The following CARS2 variants were observed in gnomAD, a reference collection of about 807,000 sequenced individuals.
CARS2 encodes cysteinyl-tRNA synthetase 2, mitochondrial, also known as probable cysteine--tRNA ligase, mitochondrial.
Under a neutral mutation model 68.8 loss-of-function variants are expected in CARS2, and 52 were observed. The ratio of observed to expected loss-of-function variants is 0.76; its 90% confidence interval spans 0.61 to 0.95. The LOEUF is 0.95. Ranked by LOEUF, CARS2 falls within the 40% of genes least tolerant of loss-of-function variation. The pLI is 0.00. For synonymous variants in CARS2, 314 were observed against 303.6 expected, an observed-to-expected ratio of 1.03 and a Z score of -0.36; for missense variants, 780 against 754.2, an observed-to-expected ratio of 1.03 and a Z score of -0.40.
At chr13:110,706,820 AGCACACAC>A (rs1208866026), upstream of CARS2, among the ~76,000 whole-genome samples, 2 of 144,732 alleles carry the variant, frequency 1.4e-5, no homozygotes, top group Non-Finnish European at 3.0e-5. Context: ...TGTGCACCCC[AGCACACAC>A]ATCTGCACCC....
rs760043245 is a variant in CARS2, at chr13:110,683,081, C to A, written c.625G>T (p.Gly209Cys). 1 of 1,602,192 alleles carries A rather than the reference C, an allele frequency of 6.2e-7. No individual in the cohort carries two copies. Among genetic ancestry groups the A allele is most frequent in the Admixed American group, 1.7e-5 (1 of 58,150 alleles). The change falls in exon 6 of 15, where the codon GGC becomes TGC. Residue 209 changes from glycine (G) to cysteine (C), a missense_variant. Physicochemically the swap from Gly to Cys is radical, Grantham distance 159. Coordinates refer to ENST00000257347, the MANE Select transcript of CARS2 (RefSeq NM_024537.4). ...TCTCCGACTGGACCAGGGACCACGC[C>A]GACCAATTTGCCATACTTGTCTCCT... is the stretch of plus-strand genomic sequence containing the variant. ...SRGDKYGKLV[G>C]VVPGPVGEPA... is the part of the protein sequence containing the mutation.
intron 6 of CARS2, 66 bp downstream of exon 6, chr13:110,682,985 A>G (rs985861945): frequency 3.0e-5 from 34 of 1,124,392 alleles, no homozygotes; most frequent in Non-Finnish European, 4.2e-5. Context: ...TCCAGATCTC[A>G]TCTCCCCAGA....
At chr13:110,712,317 G>A (rs1274505492) in intron 1 of CARS2, 1 of 154,806 alleles carries the variant, frequency 6.5e-6, no homozygotes, top group Non-Finnish European at 1.4e-5. Flanking sequence ...AAAAGACAAT[G>A]CAAATAGAGC....
rs747129497 is a variant in CARS2 at position 110,705,575 on chromosome 13, G to C, written c.225-4C>G. 6.2e-7 allele frequency: 1 copy of C among 1,612,168 alleles called. No individual in the cohort carries two copies. The highest frequency in any genetic ancestry group is 1.1e-5 in the South Asian group (1 of 91,046). ...TACAGTTGGTCCACAGCTATACCTG[G>C]AAACAAAGTTAAAATCCATCGTGTG... On this transcript the variant is annotated splice_region_variant and splice_polypyrimidine_tract_variant and intron_variant, in intron 1 of 14. Coordinates refer to ENST00000257347, the MANE Select transcript of CARS2 (RefSeq NM_024537.4). The surrounding 1 kb of genome is among the most constrained non-coding windows in gnomAD (Gnocchi z 4.0).
intron 8 of CARS2, 105 bp from the exon 9 acceptor site, chr13:110,663,623 A>G (rs1347841437): frequency 2.0e-6 from 3 of 1,528,804 alleles, no homozygotes; most frequent in Middle Eastern, 2.0e-4. Flanking sequence ...CACATATCCA[A>G]TGTATAGACC....
In CARS2 at chr13:110,705,608, T is replaced by C; in HGVS notation, c.225-37A>G. The C allele has an allele frequency of 6.3e-7, 1 of 1,587,806 alleles. No homozygotes were observed. The highest frequency in any genetic ancestry group is 1.1e-5 in the South Asian group (1 of 90,508). ...GTTAAAATCCATCGTGTGGAACATA[T>C]TTGCAAGAAAGGACATTCGATTCTG... On this transcript the variant is annotated intron_variant, in intron 1 of 14. Coordinates refer to ENST00000257347, the MANE Select transcript of CARS2 (RefSeq NM_024537.4). The surrounding 1 kb of genome is among the most constrained non-coding windows in gnomAD (Gnocchi z 4.0).
intron 9 of CARS2, among the ~76,000 whole-genome samples, chr13:110,661,735 G>C (rs1285820255): frequency 6.6e-6 from 1 of 152,158 alleles, no homozygotes. Flanking sequence ...TGAACACTTA[G>C]AGGCCACTGT....
chr13:110,660,758 T>C (rs974345694), intron 9 of CARS2, among the ~76,000 whole-genome samples: 1 of 122,680 alleles, frequency 8.2e-6, no homozygotes, highest in Non-Finnish European at 1.6e-5. Flanking sequence ...ACACTTAGCA[T>C]AATTCTTTTT....
At chr13:110,703,422 A>G (rs2063849849) in intron 2 of CARS2, among the ~76,000 whole-genome samples, 1 of 152,228 alleles carries the variant, frequency 6.6e-6, no homozygotes, top group South Asian at 2.1e-4. Flanking sequence ...AAGGTGGTCA[A>G]CAGGAGAGTC....
At chr13:110,706,966 C>G (rs1011628093), upstream of CARS2, among the ~76,000 whole-genome samples, 1 of 151,490 alleles carries the variant, frequency 6.6e-6, no homozygotes, top group Admixed American at 6.6e-5. Flanking sequence ...ACATCAGCAT[C>G]CCAATACAGT....
intron 3 of CARS2, among the ~76,000 whole-genome samples, chr13:110,700,946 T>G (rs948364377): frequency 6.6e-6 from 1 of 152,240 alleles, no homozygotes; most frequent in Non-Finnish European, 1.5e-5. Flanking sequence ...CTTCCTTTAC[T>G]AGGGCACCAA....
intron 9 of CARS2, among the ~76,000 whole-genome samples, chr13:110,657,004 A>G (rs1436026898): frequency 1.3e-5 from 2 of 152,222 alleles, no homozygotes; most frequent in Non-Finnish European, 2.9e-5. Context: ...TTACATTTCA[A>G]TAAAGCTATT....
At chr13:110,645,277 A>G (rs1360834441) in intron 12 of CARS2, 1 of 152,458 alleles carries the variant, frequency 6.6e-6, no homozygotes. Flanking sequence ...GTGCTCTGAA[A>G]CCCAACACTG....
chr13:110,674,344 G>A (rs2062884763), intron 7 of CARS2, among the ~76,000 whole-genome samples: 1 of 151,708 alleles, frequency 6.6e-6, no homozygotes, highest in African/African-American at 2.4e-5. Context: ...AACCAAAACA[G>A]CATGGTACTG....
chr13:110,673,256 C>A (rs973266052), intron 7 of CARS2, among the ~76,000 whole-genome samples: 11 of 152,088 alleles, frequency 7.2e-5, no homozygotes, highest in African/African-American at 2.7e-4. Flanking sequence ...AGAGACACAA[C>A]AAAAAAGGAG....
At chr13:110,683,202 C>A in intron 5 of CARS2, 68 bp from the exon 6 acceptor site, 1 of 1,025,814 alleles carries the variant, frequency 9.7e-7, no homozygotes, top group Non-Finnish European at 1.4e-6. Context: ...ACAACCTTAA[C>A]ATCTAACAAG....
At chr13:110,698,352 T>C (rs1473008913) in intron 3 of CARS2, among the ~76,000 whole-genome samples, 1 of 151,770 alleles carries the variant, frequency 6.6e-6, no homozygotes, top group Non-Finnish European at 1.5e-5. Context: ...AAACCCCGTC[T>C]CTACTAAAAA....
chr13:110,684,748 T>C (rs1449762338), intron 5 of CARS2, among the ~76,000 whole-genome samples: 1 of 151,910 alleles, frequency 6.6e-6, no homozygotes, highest in African/African-American at 2.4e-5. Flanking sequence ...ATATAAACAG[T>C]GCTTTAAAAG....
intron 10 of CARS2, among the ~76,000 whole-genome samples, chr13:110,647,529 C>T (rs560029456): frequency 1.3e-5 from 2 of 151,950 alleles, no homozygotes; most frequent in Admixed American, 6.5e-5. Context: ...GATGGAGGTG[C>T]GGATGAATGG....
Sources: gnomAD v4.1 joint callset for allele counts (sites outside exome capture counted in the v4.1 genomes callset) on GRCh38, gnomAD v4.1.1 for gene constraint, Gnocchi (gnomAD v3.1) non-coding constraint, MANE v1.5 for transcripts, NCBI Gene and HGNC (gene_info 2026-07-23, HGNC 2026-07-21) for gene names.